Variants in CALN1 observed in about 807,000 individuals in gnomAD.
CALN1 encodes the protein calneuron 1.
In CALN1, 17 loss-of-function variants were observed where a neutral mutation model predicts 30.6. The ratio of observed to expected loss-of-function variants is 0.56; its 90% CI spans 0.38 to 0.83. The LOEUF (loss-of-function observed/expected upper bound fraction) is 0.83, where lower values mean the gene tolerates loss of function less well. CALN1 is among the 40% of genes least tolerant of loss of function. The pLI is 0.00. For missense variants in CALN1, 291 were observed against 354.9 expected (o/e 0.82, Z 1.45); for synonymous variants, 156 against 131.4 (o/e 1.19, Z -1.28).
chr7:71,956,491 C>CTTT lies in CALN1; in HGVS notation c.501+67163_501+67165dup, dbSNP rs11414863. On this transcript the variant is annotated intron_variant, in intron 5 of 6. Coordinates refer to ENST00000395275, the MANE Select transcript of CALN1 (RefSeq NM_031468.4). ...ATTATTATTATTTTTGTTCTGATAA[C>CTTT]TTTTTTTTTTTTTTAAACAGAGGGA... 2.9e-4 allele frequency among the ~76,000 whole-genome samples: 41 copies of CTTT among 141,018 alleles called. 1 individual carries two copies. The highest frequency in any genetic ancestry group is 1.0e-3 in the African/African-American group (40 of 38,132). 92.5% of individuals were successfully genotyped at this position (141,018 alleles called of 152,430 possible). A position where few individuals can be genotyped will look rare whatever the true frequency, so the allele number is the denominator to read the frequency against.
intron 5 of CALN1, among the ~76,000 whole-genome samples, chr7:72,011,163 A>G (rs554845678): frequency 6.6e-6 from 1 of 152,126 alleles, no homozygotes; most frequent in African/African-American, 2.4e-5. Flanking sequence ...AAAAAAAGAA[A>G]AAAAACAAAA....
intron 2 of CALN1, among the ~76,000 whole-genome samples, chr7:72,292,532 A>T (rs1489315223): frequency 1.3e-5 from 2 of 151,082 alleles, no homozygotes; most frequent in Non-Finnish European, 2.9e-5. Context: ...TAAGAATTTC[A>T]ACATATAGTC....
chr7:72,376,929 T>G (rs1187901906), intron 2 of CALN1, among the ~76,000 whole-genome samples: 2 of 152,236 alleles, frequency 1.3e-5, no homozygotes, highest in Admixed American at 6.5e-5. Context: ...CTCAACATTA[T>G]TTGTTGAAAA....
At chr7:71,997,676 C>T (rs1799321459) in intron 5 of CALN1, among the ~76,000 whole-genome samples, 1 of 151,850 alleles carries the variant, frequency 6.6e-6, no homozygotes, top group South Asian at 2.1e-4. Context: ...TAGAAAGCAT[C>T]CAGAAAGAAA....
At chr7:72,371,768 C>T (rs1804256100) in intron 2 of CALN1, among the ~76,000 whole-genome samples, 1 of 152,152 alleles carries the variant, frequency 6.6e-6, no homozygotes, top group South Asian at 2.1e-4. Context: ...TATGCTTTCT[C>T]CACTGAATTG....
chr7:71,876,743 C>G lies in CALN1; in HGVS notation c.502-66251G>C, dbSNP rs187740919. ...ACAGTAAAAGTTCAATAAATGCTAG[C>G]CATTTTTCTTACCCAAAGTTGCCCA... On this transcript the variant is annotated intron_variant, in intron 5 of 6. Coordinates refer to ENST00000395275, the MANE Select transcript of CALN1 (RefSeq NM_031468.4). Among the ~76,000 whole-genome samples, 664 of 152,234 alleles carry G rather than the reference C, an allele frequency of 4.4e-3. 5 individuals carry two copies. In the Middle Eastern group the frequency reaches 0.058, roughly 13 times the overall value.
chr7:72,188,815 T>C (rs908010981), intron 3 of CALN1, among the ~76,000 whole-genome samples: 1 of 152,216 alleles, frequency 6.6e-6, no homozygotes, highest in Non-Finnish European at 1.5e-5. Flanking sequence ...TGAAAGCGTG[T>C]GTGTCCGTCT....
chr7:72,368,151 G>A (rs1331390307), intron 2 of CALN1, among the ~76,000 whole-genome samples: 2 of 150,586 alleles, frequency 1.3e-5, no homozygotes, highest in Non-Finnish European at 2.9e-5. Flanking sequence ...CTATATCTAT[G>A]TGTGTGTATA....
rs1804788949 is a variant in CALN1, at chr7:72,379,940, CA to C, written c.119+23310del. ...CTTCTCCCACTCACTCAACTTCACT[CA>C]ACTTCTCTGTTTTAATTCACTACAA... On this transcript the variant is annotated intron_variant, in intron 2 of 6. Coordinates refer to ENST00000395275, the MANE Select transcript of CALN1 (RefSeq NM_031468.4). Among the ~76,000 whole-genome samples the C allele has an allele frequency of 2.0e-5, 3 of 152,314 alleles. No homozygotes were observed. In the South Asian group the frequency reaches 6.2e-4, roughly 32 times the overall value.
chr7:72,240,015 A>T (rs1243052776), intron 3 of CALN1, among the ~76,000 whole-genome samples: 1 of 152,148 alleles, frequency 6.6e-6, no homozygotes, highest in Non-Finnish European at 1.5e-5. Flanking sequence ...TCTTACAACC[A>T]GCTCATTTTG....
chr7:72,472,753 G>A, the CALN1 span, among the ~76,000 whole-genome samples: 2 of 152,118 alleles, frequency 1.3e-5, no homozygotes, highest in African/African-American at 4.8e-5. Context: ...CTACACTCCA[G>A]CCTGAGCGAC....
rs1301029409 is a variant in CALN1 at position 72,412,263 on chromosome 7, A to G, written c.-279T>C. The G allele has an allele frequency of 2.0e-5, 3 of 152,198 alleles. No individual in the cohort carries two copies. The highest frequency in any genetic ancestry group is 7.2e-5 in the African/African-American group (3 of 41,438). 9.4% of individuals were successfully genotyped at this position (152,198 alleles called of 1,614,324 possible). A position where few individuals can be genotyped will look rare whatever the true frequency, so the allele number is the denominator to read the frequency against. ...AGCTTTAAAGGTGGCGCGGACCCAG[A>G]GTAAGCAGTAAGCTTTATTAAGAAG... On this transcript the variant is annotated 5_prime_UTR_variant, in exon 1 of 7. Coordinates refer to ENST00000395275, the MANE Select transcript of CALN1 (RefSeq NM_031468.4).
At chr7:71,836,014 G>A (rs1789578297) in intron 5 of CALN1, among the ~76,000 whole-genome samples, 1 of 152,196 alleles carries the variant, frequency 6.6e-6, no homozygotes, top group African/African-American at 2.4e-5. Flanking sequence ...GCTGTGGAAT[G>A]AGCAGAGGCA....
chr7:72,167,323 C>A (rs1788597094), intron 3 of CALN1, among the ~76,000 whole-genome samples: 1 of 151,820 alleles, frequency 6.6e-6, no homozygotes, highest in Admixed American at 6.6e-5. Context: ...GACTAACATT[C>A]TAGTTTCTTT....
At chr7:72,395,355 G>GCACACACACA (rs72331178) in intron 2 of CALN1, among the ~76,000 whole-genome samples, 13 of 147,594 alleles carry the variant, frequency 8.8e-5, no homozygotes, top group East Asian at 5.9e-4. Flanking sequence ...CTGCGCACGC[G>GCACACACACA]CGCGCACACA....
chr7:72,106,614 G>A (rs886294636), intron 3 of CALN1, among the ~76,000 whole-genome samples: 3 of 143,772 alleles, frequency 2.1e-5, no homozygotes, highest in African/African-American at 7.8e-5. Context: ...AATGAAGGGA[G>A]GAAAAAAGAG....
chr7:72,102,182 T>C (rs1806719472), intron 4 of CALN1, among the ~76,000 whole-genome samples: 1 of 152,144 alleles, frequency 6.6e-6, no homozygotes. Context: ...CAGTAGCTCA[T>C]GCCTGTAATC....
intron 2 of CALN1, among the ~76,000 whole-genome samples, chr7:72,293,900 C>G (rs1798663086): frequency 6.6e-6 from 1 of 151,996 alleles, no homozygotes; most frequent in African/African-American, 2.4e-5. Context: ...AGTTTGAGAC[C>G]AGCCTGGCCA....
chr7:72,333,115 C>G (rs984640458), intron 2 of CALN1, among the ~76,000 whole-genome samples: 1 of 152,210 alleles, frequency 6.6e-6, no homozygotes, highest in Admixed American at 6.5e-5. Context: ...ATTTCTCAGA[C>G]TTTCCCACCC....
Sources: gnomAD v4.1 joint callset for allele counts (sites outside exome capture counted in the v4.1 genomes callset) on GRCh38, gnomAD v4.1.1 for gene constraint, MANE v1.5 for transcripts, NCBI Gene and HGNC (gene_info 2026-07-23, HGNC 2026-07-21) for gene names.